AVEN: variants seen among roughly 807,000 people sequenced by gnomAD.
The protein encoded by AVEN is apoptosis and caspase activation inhibitor.
AVEN carries 41 observed loss-of-function variants against 38.1 expected under a neutral mutation model. The ratio of observed to expected loss-of-function variants is 1.08; its 90% CI spans 0.84 to 1.40. The LOEUF (loss-of-function observed/expected upper bound fraction) is 1.40. Among genes scored for constraint, AVEN ranks in the 40% most tolerant of loss-of-function variants. The pLI is 0.00. For synonymous variants in AVEN, 206 were observed against 171.8 expected, an observed-to-expected ratio of 1.20 and a Z score of -1.56; for missense variants, 605 against 438.8, an observed-to-expected ratio of 1.38 and a Z score of -3.38.
chr15:34,059,115 T>C (rs1900252950), intron 5 of AVEN, among the ~76,000 whole-genome samples: 1 of 151,382 alleles, frequency 6.6e-6, no homozygotes, highest in African/African-American at 2.5e-5. Context: ...CAGGCTGGTC[T>C]CGAATTCCTG....
intron 11 of AVEN, chr15:33,861,030 G>C: frequency 7.5e-7 from 1 of 1,327,490 alleles, no homozygotes; most frequent in Non-Finnish European, 1.1e-6. Flanking sequence ...TTTCTCTCCT[G>C]CCTATATTAT....
At chr15:34,045,805 C>T (rs1307676482) in intron 5 of AVEN, among the ~76,000 whole-genome samples, 1 of 152,160 alleles carries the variant, frequency 6.6e-6, no homozygotes, top group East Asian at 1.9e-4. Context: ...ATTTGGTACA[C>T]AGGGTTACCT....
downstream of AVEN, chr15:33,866,158 CTG>C (rs1284456324): frequency 2.9e-5 from 5 of 172,450 alleles, no homozygotes; most frequent in Admixed American, 5.5e-5. Context: ...TACAACCACT[CTG>C]TGACTGCTGG....
chr15:34,042,685 C>T (rs1254411261), upstream of AVEN, among the ~76,000 whole-genome samples: 3 of 151,930 alleles, frequency 2.0e-5, no homozygotes, highest in Non-Finnish European at 2.9e-5. Flanking sequence ...TTACAGGCAA[C>T]AGCCACCGTG....
chr15:33,910,001 A>AGGCG, intron 2 of AVEN, among the ~76,000 whole-genome samples: 1 of 152,010 alleles, frequency 6.6e-6, no homozygotes, highest in South Asian at 2.1e-4. Flanking sequence ...GGTGGTGGAC[A>AGGCG]CCTGTAATCT....
downstream of AVEN, chr15:33,865,132 A>AATCTT: frequency 6.2e-7 from 1 of 1,610,776 alleles, no homozygotes; most frequent in Non-Finnish European, 8.5e-7. Context: ...TTATTTCAGG[A>AATCTT]ATCTTATGTC....
chr15:33,968,099 TAAAAAAAAAAAA>T (rs71119906), intron 2 of AVEN, among the ~76,000 whole-genome samples: 1,255 of 25,886 alleles, frequency 0.048, 66 homozygotes, highest in Non-Finnish European at 0.073. Flanking sequence ...TAGCAAAGCT[TAAAAAAAAAAAA>T]AAAAAAAAAA....
At position 33,929,471 on chromosome 15, in the gene AVEN, T is replaced by C. The variant is rs541509518; in HGVS notation, c.446-53476A>G. The stretch of plus-strand genomic sequence containing the variant: ...CCGAGGGAAAAAGAGTAAACCACTT[T>C]GTAGGACTGATGCTGGTGCCAGCCT... On this transcript the variant is annotated intron_variant, in intron 2 of 5. Coordinates refer to ENST00000306730, the MANE Select transcript of AVEN (RefSeq NM_020371.3). Among the ~76,000 whole-genome samples, 6 of 152,300 alleles carry C rather than the reference T, an allele frequency of 3.9e-5. No individual in the cohort carries two copies. The South Asian group carries it at 1.2e-3, about 32-fold the overall frequency.
chr15:33,854,652 CAGCACCTA>C (rs1287960472), downstream of AVEN: 1 of 1,370,134 alleles, frequency 7.3e-7, no homozygotes, highest in Non-Finnish European at 1.0e-6. Flanking sequence ...CACAGCACCT[CAGCACCTA>C]AACCCCCTCT....
chr15:34,004,625 T>C lies in AVEN; in HGVS notation c.268-1416A>G, dbSNP rs1220839710. On this transcript the variant is annotated intron_variant, in intron 1 of 5. Transcript: ENST00000306730. Reference sequence around the variant, plus strand: ...TTAAAGTGTTGTTAACTTTTAGATATAAACACTGAACTCTTTATGGATGAA... The same window carrying C: ...TTAAAGTGTTGTTAACTTTTAGATACAAACACTGAACTCTTTATGGATGAA... Among the ~76,000 whole-genome samples the C allele has an allele frequency of 3.3e-5, 5 of 152,180 alleles. No homozygotes were observed. In the East Asian group the frequency reaches 9.6e-4, roughly 29 times the overall value.
At chr15:34,022,742 A>T (rs1342688286) in intron 1 of AVEN, among the ~76,000 whole-genome samples, 1 of 152,238 alleles carries the variant, frequency 6.6e-6, no homozygotes, top group African/African-American at 2.4e-5. Context: ...TGATTAAAAA[A>T]GGAAAGCATT....
intron 2 of AVEN, among the ~76,000 whole-genome samples, chr15:33,975,376 C>G (rs140819326): frequency 6.6e-6 from 1 of 152,328 alleles, no homozygotes; most frequent in Non-Finnish European, 1.5e-5. Context: ...AACAGTGCTA[C>G]TTAGCTATGC....
At chr15:33,879,252 G>C (rs1042477217) in intron 2 of AVEN, among the ~76,000 whole-genome samples, 1 of 151,632 alleles carries the variant, frequency 6.6e-6, no homozygotes, top group East Asian at 1.9e-4. Context: ...GTCCTTTGTA[G>C]GGACATGGAT....
intron 5 of AVEN, among the ~76,000 whole-genome samples, chr15:34,048,890 T>C (rs899246937): frequency 3.9e-5 from 6 of 152,132 alleles, no homozygotes; most frequent in Non-Finnish European, 8.8e-5. Context: ...TTTTGCAGCA[T>C]ACCACCAGGT....
At chr15:33,977,259 G>A (rs1289826380) in intron 2 of AVEN, among the ~76,000 whole-genome samples, 1 of 151,880 alleles carries the variant, frequency 6.6e-6, no homozygotes, top group East Asian at 1.9e-4. Flanking sequence ...AGGATAACAA[G>A]AACAAGCTCC....
At chr15:33,961,631 G>A (rs1456031970) in intron 2 of AVEN, among the ~76,000 whole-genome samples, 2 of 151,364 alleles carry the variant, frequency 1.3e-5, no homozygotes, top group East Asian at 2.0e-4. Flanking sequence ...GGCTAACACG[G>A]TGAAACCCCG....
chr15:33,986,653 GGTTTTT>G (rs1457034747), intron 2 of AVEN, among the ~76,000 whole-genome samples: 3 of 151,522 alleles, frequency 2.0e-5, no homozygotes, highest in African/African-American at 4.8e-5. Context: ...CTCTATATCA[GGTTTTT>G]GTTTTTGTTT....
At chr15:33,959,930 AAAC>A (rs1409737694) in intron 2 of AVEN, among the ~76,000 whole-genome samples, 2 of 152,238 alleles carry the variant, frequency 1.3e-5, no homozygotes, top group African/African-American at 4.8e-5. Context: ...CAAAAATCAA[AAAC>A]ATCACTAAGC....
At chr15:34,034,100 T>C (rs1164940678) in intron 1 of AVEN, among the ~76,000 whole-genome samples, 1 of 152,074 alleles carries the variant, frequency 6.6e-6, no homozygotes, top group Admixed American at 6.5e-5. Context: ...AATTTATTAA[T>C]GTGATTTTTA....
Sources: allele counts gnomAD v4.1 joint callset (sites outside exome capture counted in the v4.1 genomes callset), GRCh38; gene constraint gnomAD v4.1.1; transcripts MANE v1.5; gene names NCBI Gene and HGNC (gene_info 2026-07-23, HGNC 2026-07-21).